TTC28: variants seen among roughly 807,000 people sequenced by gnomAD.
The protein encoded by TTC28 is tetratricopeptide repeat domain 28.
Under a neutral mutation model 198.0 loss-of-function variants are expected in TTC28, and 61 were observed. That is an observed-to-expected ratio of 0.31 (90% CI 0.25 to 0.38). TTC28 has a LOEUF of 0.38. TTC28 is among the 10% of genes least tolerant of loss of function. TTC28 has a pLI of 1.00. For missense variants in TTC28, 2,678 were observed against 3,164.0 expected (o/e 0.85, Z 3.69); for synonymous variants, 1,171 against 1,297.8 (o/e 0.90, Z 2.10).
chr22:28,527,631 T>C (rs2049031764), intron 2 of TTC28, among the ~76,000 whole-genome samples: 1 of 152,296 alleles, frequency 6.6e-6, no homozygotes, highest in Middle Eastern at 3.4e-3. Context: ...GATACACTTA[T>C]ATAATATACT....
At chr22:28,240,401 C>A (rs1365682215) in intron 5 of TTC28, among the ~76,000 whole-genome samples, 1 of 151,996 alleles carries the variant, frequency 6.6e-6, no homozygotes, top group East Asian at 1.9e-4. Context: ...GATTCACAAT[C>A]TTTAATACTT....
At chr22:28,598,509 C>CAAAAAA (rs36035176) in intron 2 of TTC28, among the ~76,000 whole-genome samples, 8 of 52,680 alleles carry the variant, frequency 1.5e-4, no homozygotes, top group South Asian at 9.5e-4. Context: ...ACTACGTCTC[C>CAAAAAA]AAAAAAAAAA....
At chr22:28,673,353 G>A (rs983125690) in intron 1 of TTC28, among the ~76,000 whole-genome samples, 8 of 152,060 alleles carry the variant, frequency 5.3e-5, no homozygotes, top group Admixed American at 2.6e-4. Flanking sequence ...CAGCCTGGGC[G>A]ACAGAGACTC....
intron 2 of TTC28, among the ~76,000 whole-genome samples, chr22:28,330,379 G>A (rs1417707022): frequency 1.3e-5 from 2 of 152,098 alleles, no homozygotes; most frequent in Non-Finnish European, 2.9e-5. Flanking sequence ...CTGGGGCCTC[G>A]ATTGGCTGAA....
chr22:28,613,790 T>C (rs1345056360), intron 2 of TTC28, among the ~76,000 whole-genome samples: 1 of 152,186 alleles, frequency 6.6e-6, no homozygotes, highest in African/African-American at 2.4e-5. Flanking sequence ...TGATGGAACA[T>C]ATCTCAAAAT....
At chr22:28,566,178 C>T (rs2049965881) in intron 2 of TTC28, among the ~76,000 whole-genome samples, 2 of 152,136 alleles carry the variant, frequency 1.3e-5, no homozygotes, top group South Asian at 4.1e-4. Context: ...GAAACCAGTT[C>T]CATTTAGGCA....
At chr22:28,086,776 T>C (rs1941619104) in intron 12 of TTC28, among the ~76,000 whole-genome samples, 1 of 151,180 alleles carries the variant, frequency 6.6e-6, no homozygotes, top group Admixed American at 6.6e-5. Context: ...GCAAGACTAA[T>C]AAAGAAAAGA....
At chr22:28,188,947 AT>A (rs1353254252) in intron 5 of TTC28, among the ~76,000 whole-genome samples, 2 of 152,196 alleles carry the variant, frequency 1.3e-5, no homozygotes, top group Admixed American at 6.5e-5. Flanking sequence ...ATTACTAGAC[AT>A]TTGAGGAAAA....
intron 2 of TTC28, among the ~76,000 whole-genome samples, chr22:28,349,923 A>G (rs2045967177): frequency 6.6e-6 from 1 of 152,194 alleles, no homozygotes; most frequent in Non-Finnish European, 1.5e-5. Flanking sequence ...ACACTTCTAA[A>G]AGAAATTAAC....
chr22:28,340,463 T>TAA (rs554273080), intron 2 of TTC28, among the ~76,000 whole-genome samples: 8 of 137,424 alleles, frequency 5.8e-5, no homozygotes, highest in African/African-American at 5.3e-5. Flanking sequence ...TTTTTTTCCT[T>TAA]AAAAAAAAAA....
chr22:28,163,580 C>T lies in TTC28; in HGVS notation c.953G>A (p.Ser318Asn). The T allele has an allele frequency of 1.3e-6, 2 of 1,540,884 alleles. No individual in the cohort carries two copies. The highest frequency in any genetic ancestry group is 1.8e-6 in the Non-Finnish European group (2 of 1,141,100). The change falls in exon 6 of 23, where the codon AGC becomes AAC. Residue 318 changes from serine to asparagine, a missense_variant. Ser to Asn is a conservative substitution (Grantham distance 46, BLOSUM62 1). This residue lies in a region of TTC28 where 775 missense variants were observed against 845.9 expected (regional missense o/e 0.92). Transcript: ENST00000397906. ...KDREAASSAL[S>N]SLGHVYTAIG... ...GGCTGTGTACACGTGGCCCAGACTGCTCAAGGCTGATGAAGCTGCCTGGAG... is the reference window on the plus strand; with the variant it reads ...GGCTGTGTACACGTGGCCCAGACTGTTCAAGGCTGATGAAGCTGCCTGGAG...
At chr22:28,542,726 T>C (rs150704887) in intron 2 of TTC28, among the ~76,000 whole-genome samples, 61 of 152,212 alleles carry the variant, frequency 4.0e-4, no homozygotes, top group South Asian at 4.1e-4. Context: ...AGAAAAGATT[T>C]TGAAGTAGTT....
At position 28,108,271 on chromosome 22, in the gene TTC28, T is replaced by C; in HGVS notation, c.1574A>G (p.Asn525Ser). 2 of 1,549,186 alleles carry C rather than the reference T, an allele frequency of 1.3e-6. No homozygotes were observed. The highest frequency in any genetic ancestry group is 2.4e-5 in the East Asian group (1 of 40,830). Residue 525 changes from asparagine to serine, a missense_variant, in exon 7 of 23, where the codon AAT becomes AGT. Around this residue, in one of 8 missense-constraint regions of TTC28, gnomAD observed 775 missense variants for 845.9 expected, o/e 0.92. Coordinates refer to ENST00000397906, the MANE Select transcript of TTC28 (RefSeq NM_001145418.2). ...RAYGNMGNAY[N>S]ALGMYDQAVK... Reference sequence around the variant, plus strand: ...CGCCTGGTCGTACATGCCCAGGGCATTGTAGGCATTGCCCATATTCCCATA... The same window carrying C: ...CGCCTGGTCGTACATGCCCAGGGCACTGTAGGCATTGCCCATATTCCCATA...
At chr22:28,064,877 G>A (rs547795473) in intron 12 of TTC28, among the ~76,000 whole-genome samples, 8 of 152,318 alleles carry the variant, frequency 5.3e-5, no homozygotes, top group African/African-American at 1.9e-4. Flanking sequence ...ATGGGAGGGA[G>A]ACTGTTCAGC....
intron 8 of TTC28, among the ~76,000 whole-genome samples, chr22:28,102,439 C>T (rs1025545974): frequency 2.0e-5 from 3 of 152,260 alleles, no homozygotes; most frequent in African/African-American, 7.2e-5. Flanking sequence ...TTCTGGGTTT[C>T]AGGACACCAG....
intron 2 of TTC28, among the ~76,000 whole-genome samples, chr22:28,538,975 C>G (rs965391318): frequency 6.6e-6 from 1 of 152,046 alleles, no homozygotes; most frequent in African/African-American, 2.4e-5. Flanking sequence ...TCAGTGGGTG[C>G]AAATAACTGA....
At position 27,983,437 on chromosome 22, in the gene TTC28, C is replaced by T; in HGVS notation, c.6230G>A (p.Cys2077Tyr). The change falls in exon 23 of 23, where the codon TGC (cysteine) becomes TAC (tyrosine). Residue 2077 changes from cysteine (C) to tyrosine (Y), a missense_variant. Transcript: ENST00000397906. Reference sequence around the variant, plus strand: ...GGGTTGTTTGTGGTCTGGTGAGAAGCATGTGTTTCGGTTTTCTTGGTAGGT... The same window carrying T: ...GGGTTGTTTGTGGTCTGGTGAGAAGTATGTGTTTCGGTTTTCTTGGTAGGT... ...LATYQENRNT[C>Y]FSPDHKQPQP... is the part of the protein sequence containing the mutation. The T allele has an allele frequency of 1.3e-6, 2 of 1,548,746 alleles. No individual in the cohort carries two copies. The highest frequency in any genetic ancestry group is 2.4e-5 in the South Asian group (2 of 83,994).
chr22:28,071,296 G>A (rs923783782), intron 12 of TTC28, among the ~76,000 whole-genome samples: 14 of 151,654 alleles, frequency 9.2e-5, no homozygotes, highest in South Asian at 8.4e-4. Context: ...TGTTTATTGC[G>A]GCATTATTCA....
intron 5 of TTC28, among the ~76,000 whole-genome samples, chr22:28,234,184 G>A (rs1488422717): frequency 6.6e-6 from 1 of 152,000 alleles, no homozygotes; most frequent in Admixed American, 6.6e-5. Context: ...GGGATTACAG[G>A]CATGAGCCAC....
Sources: allele counts gnomAD v4.1 joint callset (sites outside exome capture counted in the v4.1 genomes callset), GRCh38; gene constraint gnomAD v4.1.1; regional missense constraint gnomAD v4.1.1; transcripts MANE v1.5; gene names NCBI Gene and HGNC (gene_info 2026-07-23, HGNC 2026-07-21).